Variants in MTBP observed in about 807,000 individuals in gnomAD.
MTBP encodes mdm2-binding protein.
A neutral mutation model predicts 117.0 loss-of-function variants in MTBP; 101 were observed. The observed-to-expected ratio is 0.86, with a 90% CI of 0.73 to 1.02. The LOEUF (loss-of-function observed/expected upper bound fraction) is 1.02. MTBP is among the 50% of genes least tolerant of loss of function. MTBP has a pLI of 0.00. For synonymous variants in MTBP, 350 were observed against 351.5 expected, an observed-to-expected ratio of 1.00 and a Z score of 0.05; for missense variants, 970 against 1,030.9, an observed-to-expected ratio of 0.94 and a Z score of 0.81.
intron 18 of MTBP, among the ~76,000 whole-genome samples, chr8:120,517,086 T>C (rs116890274): frequency 2.0e-5 from 3 of 152,132 alleles, no homozygotes; most frequent in Non-Finnish European, 4.4e-5. Flanking sequence ...AAAAGGAATG[T>C]ATACTGTGGC....
intron 11 of MTBP, among the ~76,000 whole-genome samples, chr8:120,479,255 C>T (rs188139113): frequency 2.4e-4 from 36 of 152,278 alleles, no homozygotes; most frequent in African/African-American, 8.4e-4. Flanking sequence ...TGCATGTGTA[C>T]CTCCTGAATC....
rs921033579 is a variant in MTBP at position 120,451,197 on chromosome 8, A to G, written c.300A>G (p.Ile100Met). ...YQFCSSDWQEIHFDTEKDKIE... is the reference protein window; with the variant it reads ...YQFCSSDWQEMHFDTEKDKIE... ...TTTGTAGTTCTGATTGGCAAGAGATACATTTTGATACAGAAAAAGATAAAA... is the reference window on the plus strand; with the variant it reads ...TTTGTAGTTCTGATTGGCAAGAGATGCATTTTGATACAGAAAAAGATAAAA... The change falls in exon 4 of 22, where the codon ATA (isoleucine) becomes ATG (methionine). Residue 100 changes from isoleucine to methionine, a missense_variant. Physicochemically the swap from Ile to Met is conservative, Grantham distance 10 (BLOSUM62 1). Transcript: ENST00000305949. The G allele has an allele frequency of 1.9e-6, 3 of 1,607,980 alleles. No homozygotes were observed. The highest frequency in any genetic ancestry group is 2.6e-6 in the Non-Finnish European group (3 of 1,175,772).
intron 4 of MTBP, 143 bp downstream of exon 4, chr8:120,451,465 C>A: frequency 1.6e-6 from 1 of 608,104 alleles, no homozygotes; most frequent in Non-Finnish European, 2.7e-6. Context: ...TCAATTTGGG[C>A]CTTTTATTTG....
At chr8:120,450,968 T>G in intron 2 of MTBP, 35 bp from the exon 3 acceptor site, 1 of 1,479,958 alleles carries the variant, frequency 6.8e-7, no homozygotes. Context: ...ATTTATGGTA[T>G]GCCTTTTTAA....
In MTBP at chr8:120,523,279, A is replaced by G. The variant is rs1432560668; in HGVS notation, c.2677-19A>G. 2.0e-6 allele frequency: 3 copies of G among 1,504,490 alleles called. No homozygotes were observed. The highest frequency in any genetic ancestry group is 2.7e-6 in the Non-Finnish European group (3 of 1,105,542). 93.2% of individuals were successfully genotyped at this position (1,504,490 alleles called of 1,614,324 possible). On this transcript the variant is annotated intron_variant, in intron 21 of 21. Transcript: ENST00000305949. ...TTTTCAAGAGAAATCTTCTGTAATCATATTTTTTCTCCCCCTAGGTGATTG... is the reference window on the plus strand; with the variant it reads ...TTTTCAAGAGAAATCTTCTGTAATCGTATTTTTTCTCCCCCTAGGTGATTG...
At chr8:120,477,230 A>G (rs902763883) in intron 11 of MTBP, among the ~76,000 whole-genome samples, 1 of 152,218 alleles carries the variant, frequency 6.6e-6, no homozygotes, top group Non-Finnish European at 1.5e-5. Flanking sequence ...CCCCTTCCTT[A>G]CACCTTATAC....
chr8:120,516,157 TC>T lies in MTBP; in HGVS notation c.2213del (p.Ser738LeufsTer4). 1 of 1,612,184 alleles carries T rather than the reference TC, an allele frequency of 6.2e-7. No individual in the cohort carries two copies. Among genetic ancestry groups the T allele is most frequent in the Non-Finnish European group, 8.5e-7 (1 of 1,178,728 alleles). ...TGAAGTATCCCGATTGAAACGGAGA[TC>T]TAAAGATCTGAATTGCCTTTATCCC... ...RTEVSRLKRR[S>X]KDLNCLYPRK... On this transcript the variant is annotated frameshift_variant, in exon 18 of 22. Coordinates refer to ENST00000305949, the MANE Select transcript of MTBP (RefSeq NM_022045.5). LOFTEE classifies it high-confidence loss of function.
At chr8:120,515,601 T>TAC (rs1316763861) in intron 17 of MTBP, among the ~76,000 whole-genome samples, 1 of 152,000 alleles carries the variant, frequency 6.6e-6, no homozygotes, top group East Asian at 1.9e-4. Flanking sequence ...AAATCAGGGG[T>TAC]TGGTAGAGTT....
chr8:120,457,912 C>T (rs1476501697), intron 7 of MTBP, among the ~76,000 whole-genome samples: 2 of 149,280 alleles, frequency 1.3e-5, no homozygotes, highest in African/African-American at 4.9e-5. Flanking sequence ...CGCCACTGCA[C>T]TCCAGCCTGC....
chr8:120,458,486 C>G (rs1271220648), intron 7 of MTBP, among the ~76,000 whole-genome samples: 4 of 152,072 alleles, frequency 2.6e-5, no homozygotes, highest in African/African-American at 9.7e-5. Context: ...AGCAATTGAT[C>G]TTATCAGCAA....
chr8:120,470,189 C>T (rs1415777462), intron 10 of MTBP, among the ~76,000 whole-genome samples: 1 of 152,000 alleles, frequency 6.6e-6, no homozygotes, highest in Non-Finnish European at 1.5e-5. Flanking sequence ...TTTGTTGAAC[C>T]AATATTTAAT....
intron 17 of MTBP, among the ~76,000 whole-genome samples, chr8:120,514,157 A>G (rs1212524542): frequency 6.6e-6 from 1 of 151,866 alleles, no homozygotes; most frequent in Non-Finnish European, 1.5e-5. Context: ...TGAAATGATC[A>G]CTGTAGCCAG....
chr8:120,488,546 A>C (rs1814268881), intron 12 of MTBP, among the ~76,000 whole-genome samples: 1 of 152,228 alleles, frequency 6.6e-6, no homozygotes, highest in Admixed American at 6.5e-5. Flanking sequence ...CATTATACCT[A>C]GTAAAGTTTA....
chr8:120,523,395 C>G lies in MTBP; in HGVS notation c.*59C>G. 1 of 1,044,508 alleles carries G rather than the reference C, an allele frequency of 9.6e-7. No individual in the cohort carries two copies. The highest frequency in any genetic ancestry group is 1.4e-6 in the Non-Finnish European group (1 of 726,288). 64.7% of individuals were successfully genotyped at this position (1,044,508 alleles called of 1,614,324 possible). A position where few individuals can be genotyped will look rare whatever the true frequency, so the allele number is the denominator to read the frequency against. On this transcript the variant is annotated 3_prime_UTR_variant, in exon 22 of 22. Transcript: ENST00000305949. Reference sequence around the variant, plus strand: ...TGGATGGAGCTATTATTCACTACTTCTTTTCTTAGTTTGAAAATTATAAAC... The same window carrying G: ...TGGATGGAGCTATTATTCACTACTTGTTTTCTTAGTTTGAAAATTATAAAC...
chr8:120,497,492 C>G lies in MTBP; in HGVS notation c.1547C>G (p.Ala516Gly), dbSNP rs914900051. The G allele has an allele frequency of 6.3e-6, 10 of 1,585,656 alleles. No homozygotes were observed. Among genetic ancestry groups the G allele is most frequent in the Non-Finnish European group, 8.6e-6 (10 of 1,157,426 alleles). ...AAACACTTTTTAGATTATTTTGATG[C>G]TGTGATTCCTAAAATGATTCTAAGA... ...TRKHFLDYFD[A>G]VIPKMILRKM... The change falls in exon 14 of 22, where the codon GCT becomes GGT. Residue 516 changes from alanine to glycine, a missense_variant. By Grantham distance (60) the Ala-to-Gly change is moderately conservative. Coordinates refer to ENST00000305949, the MANE Select transcript of MTBP (RefSeq NM_022045.5).
At chr8:120,459,100 C>A in intron 7 of MTBP, 115 bp from the exon 8 acceptor site, 1 of 890,042 alleles carries the variant, frequency 1.1e-6, no homozygotes, top group Non-Finnish European at 1.7e-6. Flanking sequence ...GCTGAGGAAT[C>A]AAAAATAAAT....
chr8:120,488,577 A>C (rs1269583231), intron 12 of MTBP, among the ~76,000 whole-genome samples: 1 of 152,208 alleles, frequency 6.6e-6, no homozygotes, highest in African/African-American at 2.4e-5. Context: ...CTTCAATTCT[A>C]AAAATGAAAT....
intron 9 of MTBP, among the ~76,000 whole-genome samples, chr8:120,462,267 T>G (rs940320115): frequency 1.3e-5 from 2 of 152,198 alleles, no homozygotes; most frequent in Non-Finnish European, 2.9e-5. Flanking sequence ...AAGCTCGAAC[T>G]AAACAAGTGG....
chr8:120,503,195 G>A (rs1008583976), intron 15 of MTBP, among the ~76,000 whole-genome samples: 3 of 152,174 alleles, frequency 2.0e-5, no homozygotes, highest in African/African-American at 7.2e-5. Context: ...GCTTCTCCAT[G>A]GGTAGTATTT....
Sources: gnomAD v4.1 joint callset for allele counts (sites outside exome capture counted in the v4.1 genomes callset) on GRCh38, gnomAD v4.1.1 for gene constraint, MANE v1.5 for transcripts, NCBI Gene and HGNC (gene_info 2026-07-23, HGNC 2026-07-21) for gene names.